The following SNTG1 variants were observed in gnomAD, a reference collection of about 807,000 sequenced individuals.
SNTG1 encodes syntrophin gamma 1, also known as gamma-1-syntrophin.
In SNTG1, 39 loss-of-function variants were observed where a neutral mutation model predicts 74.7. That is an observed-to-expected ratio of 0.52 (90% CI 0.40 to 0.68). SNTG1 has a LOEUF of 0.68. SNTG1 is among the 30% of genes least tolerant of loss of function. The pLI, the probability that SNTG1 is intolerant of heterozygous loss-of-function variation, is 0.00. For missense variants in SNTG1, 685 were observed against 609.5 expected (o/e 1.12, Z -1.30); for synonymous variants, 254 against 217.1 (o/e 1.17, Z -1.49).
intron 1 of SNTG1, among the ~76,000 whole-genome samples, chr8:50,136,741 T>C (rs1461619381): frequency 6.6e-6 from 1 of 152,048 alleles, no homozygotes; most frequent in Non-Finnish European, 1.5e-5. Context: ...GAGATGACTA[T>C]GACTTACCTT....
At chr8:50,517,209 A>G (rs1171478183) in intron 9 of SNTG1, among the ~76,000 whole-genome samples, 1 of 152,222 alleles carries the variant, frequency 6.6e-6, no homozygotes, top group African/African-American at 2.4e-5. Context: ...TCCATAAGCG[A>G]AGGAAAACTA....
chr8:50,386,497 G>T (rs534337135), intron 2 of SNTG1, among the ~76,000 whole-genome samples: 3 of 152,046 alleles, frequency 2.0e-5, no homozygotes, highest in East Asian at 1.9e-4. Flanking sequence ...TTCTTTATGT[G>T]GCCCGACTTC....
At chr8:50,325,693 A>G (rs543989643) in intron 2 of SNTG1, among the ~76,000 whole-genome samples, 3 of 152,226 alleles carry the variant, frequency 2.0e-5, no homozygotes, top group African/African-American at 4.8e-5. Context: ...AAAGCTTGCA[A>G]ACAAAACATT....
chr8:50,544,377 C>CA (rs2094370849), intron 11 of SNTG1, among the ~76,000 whole-genome samples: 1 of 151,958 alleles, frequency 6.6e-6, no homozygotes, highest in Non-Finnish European at 1.5e-5. Context: ...TTATTGCTTT[C>CA]ATATAACTAT....
At chr8:50,438,976 A>G (rs2093332933) in intron 5 of SNTG1, among the ~76,000 whole-genome samples, 1 of 152,166 alleles carries the variant, frequency 6.6e-6, no homozygotes, top group African/African-American at 2.4e-5. Flanking sequence ...CCCAATAGTA[A>G]GTGAGATATT....
chr8:50,611,855 C>T (rs2094852273), intron 13 of SNTG1, among the ~76,000 whole-genome samples: 1 of 152,146 alleles, frequency 6.6e-6, no homozygotes, highest in Non-Finnish European at 1.5e-5. Context: ...CACCCTTGAC[C>T]TCCTGGGTTC....
At chr8:50,365,796 A>C (rs558274338) in intron 2 of SNTG1, among the ~76,000 whole-genome samples, 4 of 152,232 alleles carry the variant, frequency 2.6e-5, no homozygotes, top group African/African-American at 9.6e-5. Flanking sequence ...GGTAAAGACA[A>C]TTGTTCTTGC....
At chr8:50,698,031 C>G (rs1213449750) in intron 15 of SNTG1, among the ~76,000 whole-genome samples, 2 of 152,032 alleles carry the variant, frequency 1.3e-5, no homozygotes, top group African/African-American at 4.8e-5. Flanking sequence ...TGTACATTTG[C>G]TAGAATTTGG....
intron 18 of SNTG1, among the ~76,000 whole-genome samples, chr8:50,753,170 C>T (rs924326594): frequency 1.3e-5 from 2 of 151,930 alleles, no homozygotes; most frequent in African/African-American, 4.8e-5. Flanking sequence ...CTAACACAGC[C>T]TCTTCCCTAA....
intron 1 of SNTG1, among the ~76,000 whole-genome samples, chr8:50,003,589 G>A (rs1409765794): frequency 6.6e-6 from 1 of 152,070 alleles, no homozygotes; most frequent in Non-Finnish European, 1.5e-5. Context: ...TAATTAAAAA[G>A]CAAGATTACA....
chr8:50,392,440 T>C (rs572456408), intron 2 of SNTG1, among the ~76,000 whole-genome samples: 5 of 152,162 alleles, frequency 3.3e-5, no homozygotes, highest in Non-Finnish European at 7.4e-5. Flanking sequence ...AGGGGACTTA[T>C]TTAATGCCAG....
intron 13 of SNTG1, among the ~76,000 whole-genome samples, chr8:50,631,072 C>G (rs75828909): frequency 0.043 from 6,553 of 152,216 alleles, 246 homozygotes; most frequent in African/African-American, 0.095. Context: ...GGCCCTCTTA[C>G]GGGGATAGGA....
intron 1 of SNTG1, among the ~76,000 whole-genome samples, chr8:50,143,052 G>C (rs368379184): frequency 1.3e-5 from 2 of 151,430 alleles, no homozygotes; most frequent in African/African-American, 4.9e-5. Context: ...CCAGCCTGGG[G>C]GCCAGAGCAA....
intron 1 of SNTG1, among the ~76,000 whole-genome samples, chr8:50,002,704 T>C (rs1686456955): frequency 6.6e-6 from 1 of 152,022 alleles, no homozygotes; most frequent in African/African-American, 2.4e-5. Context: ...AATAACAGAA[T>C]AAAAGTTACC....
In SNTG1 at chr8:50,362,296, A is replaced by G. The variant is rs546613285; in HGVS notation, c.-27-31916A>G. ...AGTATATCTTCCAGTGCGGTACCAA[A>G]GAAGGGGACAGTAGCAGTAAACATA... On this transcript the variant is annotated intron_variant, in intron 2 of 18. Coordinates refer to ENST00000642720, the MANE Select transcript of SNTG1 (RefSeq NM_018967.5). 2.0e-5 allele frequency among the ~76,000 whole-genome samples: 3 copies of G among 152,294 alleles called. No individual in the cohort carries two copies. In the South Asian group the frequency reaches 6.2e-4, roughly 32 times the overall value.
At chr8:50,403,891 A>C (rs2092836629) in intron 4 of SNTG1, among the ~76,000 whole-genome samples, 1 of 152,188 alleles carries the variant, frequency 6.6e-6, no homozygotes, top group Non-Finnish European at 1.5e-5. Context: ...CTGAGATTGA[A>C]AGCAAGTCAA....
intron 1 of SNTG1, among the ~76,000 whole-genome samples, chr8:49,953,365 C>G (rs138806209): frequency 2.9e-4 from 44 of 152,256 alleles, no homozygotes; most frequent in Non-Finnish European, 5.7e-4. Context: ...GGATAAATTT[C>G]CTGTCCTCAT....
At chr8:50,788,862 T>A (rs1301535132) in intron 18 of SNTG1, among the ~76,000 whole-genome samples, 2 of 151,936 alleles carry the variant, frequency 1.3e-5, no homozygotes, top group Non-Finnish European at 2.9e-5. Flanking sequence ...CTCAGATCAA[T>A]TGTCCAGGTT....
chr8:50,536,156 A>G (rs1466680753), intron 10 of SNTG1, among the ~76,000 whole-genome samples: 1 of 152,186 alleles, frequency 6.6e-6, no homozygotes, highest in Non-Finnish European at 1.5e-5. Context: ...AGTTAGAAAA[A>G]GGAGCACAGA....
Sources: allele counts gnomAD v4.1 joint callset (sites outside exome capture counted in the v4.1 genomes callset), GRCh38; gene constraint gnomAD v4.1.1; transcripts MANE v1.5; gene names NCBI Gene and HGNC (gene_info 2026-07-23, HGNC 2026-07-21).